The following TMEM65 variants were observed in gnomAD, a reference collection of about 807,000 sequenced individuals.
The protein encoded by TMEM65 is transmembrane protein 65.
In TMEM65, 22 loss-of-function variants were observed where a neutral mutation model predicts 25.4. The observed-to-expected ratio is 0.86, with a 90% CI of 0.62 to 1.23. TMEM65 has a LOEUF of 1.23. TMEM65 is among the 50% of genes most tolerant of loss of function. The pLI is 0.00. For missense variants in TMEM65, 262 were observed against 308.2 expected (o/e 0.85, Z 1.12); for synonymous variants, 132 against 126.2 (o/e 1.05, Z -0.31).
intron 1 of TMEM65, among the ~76,000 whole-genome samples, chr8:124,371,364 T>C (rs1815008935): frequency 6.6e-6 from 1 of 152,202 alleles, no homozygotes; most frequent in Admixed American, 6.5e-5. Context: ...TTCTTTTGGC[T>C]ACCCACCCAT....
rs772505804 is a variant in TMEM65 at position 124,312,682 on chromosome 8, A to G, written c.*1278T>C. 1.8e-4 allele frequency: 28 copies of G among 151,986 alleles called. No individual in the cohort carries two copies. The highest frequency in any genetic ancestry group is 3.3e-4 in the Admixed American group (5 of 15,266). The allele number at this position is 151,986 out of a possible 1,614,324, so 9.4% of individuals were successfully genotyped here. Reference sequence around the variant, plus strand: ...GAAAACTAAAATTTATAATTCTTACATGGTTATACTTAAGCCAGAAGTACA... The same window carrying G: ...GAAAACTAAAATTTATAATTCTTACGTGGTTATACTTAAGCCAGAAGTACA... On this transcript the variant is annotated 3_prime_UTR_variant, in exon 7 of 7. Transcript: ENST00000297632.
At chr8:124,321,725 C>T (rs1260462355) in intron 5 of TMEM65, among the ~76,000 whole-genome samples, 3 of 152,048 alleles carry the variant, frequency 2.0e-5, no homozygotes, top group Admixed American at 1.3e-4. Flanking sequence ...CCTTTTACTC[C>T]TGTCTTACCC....
At position 124,320,029 on chromosome 8, in the gene TMEM65, T is replaced by C. The variant is rs1254756145; in HGVS notation, c.621+57A>G. On this transcript the variant is annotated intron_variant, in intron 6 of 6. Coordinates refer to ENST00000297632, the MANE Select transcript of TMEM65 (RefSeq NM_194291.3). ...TCAAATTTCTCAAGGGCCTGAACTA[T>C]ACAGAATCTTGCTCTGGCTACCCAA... The C allele has an allele frequency of 1.8e-5, 26 of 1,418,066 alleles. 1 individual carries two copies. The South Asian group carries it at 2.3e-4, about 12-fold the overall frequency. The allele number at this position is 1,418,066 out of a possible 1,614,324, so 87.8% of individuals were successfully genotyped here.
In TMEM65 at chr8:124,313,910, A is replaced by T; in HGVS notation, c.*50T>A. The T allele has an allele frequency of 8.0e-7, 1 of 1,247,624 alleles. No homozygotes were observed. The highest frequency in any genetic ancestry group is 1.3e-5 in the South Asian group (1 of 79,930). 77.3% of individuals were successfully genotyped at this position (1,247,624 alleles called of 1,614,324 possible). ...TCCTAAATGTTGTGACAGCATATTT[A>T]ATTACTGAGGTACATTAGTTTACAT... On this transcript the variant is annotated 3_prime_UTR_variant, in exon 7 of 7. Coordinates refer to ENST00000297632, the MANE Select transcript of TMEM65 (RefSeq NM_194291.3).
chr8:124,334,976 A>G (rs1230514589), intron 1 of TMEM65, among the ~76,000 whole-genome samples: 1 of 151,968 alleles, frequency 6.6e-6, no homozygotes, highest in East Asian at 1.9e-4. Context: ...GGGCTAATAT[A>G]TGCTAATATA....
intron 1 of TMEM65, among the ~76,000 whole-genome samples, chr8:124,334,353 T>A (rs1482184066): frequency 6.6e-6 from 1 of 151,976 alleles, no homozygotes; most frequent in Admixed American, 6.6e-5. Flanking sequence ...TTCAAAGATG[T>A]AAATAAAAAT....
rs552949089 is a variant in TMEM65 at position 124,350,651 on chromosome 8, T to C, written c.305-19859A>G. On this transcript the variant is annotated intron_variant, in intron 1 of 6. Transcript: ENST00000297632. ...ATATATTTTTAAAATACTGAACATT[T>C]CCTGAAGTTTAGTCATTGTACTTAA... 3.9e-5 allele frequency among the ~76,000 whole-genome samples: 6 copies of C among 152,188 alleles called. No individual in the cohort carries two copies. In the South Asian group the frequency reaches 1.2e-3, roughly 32 times the overall value.
intron 1 of TMEM65, among the ~76,000 whole-genome samples, chr8:124,361,673 A>T (rs1324895215): frequency 6.6e-6 from 1 of 150,536 alleles, no homozygotes; most frequent in African/African-American, 2.4e-5. Flanking sequence ...GTCTCTATTT[A>T]AAAAATACAA....
At chr8:124,344,623 C>CA (rs1416342439) in intron 1 of TMEM65, among the ~76,000 whole-genome samples, 1 of 152,164 alleles carries the variant, frequency 6.6e-6, no homozygotes, top group Non-Finnish European at 1.5e-5. Flanking sequence ...TGCCAGAAAT[C>CA]ATTAAGTAAG....
intron 1 of TMEM65, among the ~76,000 whole-genome samples, chr8:124,340,298 A>C (rs1028064593): frequency 1.3e-5 from 2 of 152,160 alleles, no homozygotes; most frequent in African/African-American, 4.8e-5. Flanking sequence ...TATGATGTAT[A>C]TCTATATATG....
rs1814180517 is a variant in TMEM65, at chr8:124,312,812, G to GTAGA, written c.*1144_*1147dup. The GTAGA allele has an allele frequency of 6.6e-6, 1 of 151,824 alleles. No individual in the cohort carries two copies. 9.4% of individuals were successfully genotyped at this position (151,824 alleles called of 1,614,324 possible). A position where few individuals can be genotyped will look rare whatever the true frequency, so the allele number is the denominator to read the frequency against. On this transcript the variant is annotated 3_prime_UTR_variant, in exon 7 of 7. Coordinates refer to ENST00000297632, the MANE Select transcript of TMEM65 (RefSeq NM_194291.3). The stretch of plus-strand genomic sequence containing the variant: ...GGATTTCTCCTCATGTAATTTTTGA[G>GTAGA]TAGACTATGTAGCAAAAAAGCAAAA...
intron 2 of TMEM65, among the ~76,000 whole-genome samples, chr8:124,329,933 G>A (rs1814411410): frequency 6.6e-6 from 1 of 151,862 alleles, no homozygotes; most frequent in African/African-American, 2.4e-5. Flanking sequence ...TTTGGTATTT[G>A]AGGAAAGTTA....
intron 6 of TMEM65, among the ~76,000 whole-genome samples, chr8:124,315,324 TG>T (rs201617734): frequency 1.7e-3 from 239 of 140,532 alleles, no homozygotes; most frequent in African/African-American, 6.4e-3. Context: ...GTTTTTTTTT[TG>T]TTTGTTTTTT....
At chr8:124,317,416 T>G (rs1814252410) in intron 6 of TMEM65, among the ~76,000 whole-genome samples, 1 of 152,214 alleles carries the variant, frequency 6.6e-6, no homozygotes, top group South Asian at 2.1e-4. Context: ...GAATTGGTTA[T>G]CATTCATTAC....
chr8:124,311,511 T>G lies in TMEM65; in HGVS notation c.*2449A>C, dbSNP rs1213386610. 6.6e-6 allele frequency: 1 copy of G among 152,582 alleles called. No homozygotes were observed. The highest frequency in any genetic ancestry group is 2.4e-5 in the African/African-American group (1 of 41,448). 9.5% of individuals were successfully genotyped at this position (152,582 alleles called of 1,614,324 possible). A position where few individuals can be genotyped will look rare whatever the true frequency, so the allele number is the denominator to read the frequency against. ...CAACAAGTTAATAAATCATAATACATGGACAACACAAATTTAAACAAACAG... is the reference window on the plus strand; with the variant it reads ...CAACAAGTTAATAAATCATAATACAGGGACAACACAAATTTAAACAAACAG... On this transcript the variant is annotated 3_prime_UTR_variant, in exon 7 of 7. Transcript: ENST00000297632.
rs148963218 is a variant in TMEM65 at position 124,351,196 on chromosome 8, A to T, written c.305-20404T>A. On this transcript the variant is annotated intron_variant, in intron 1 of 6. Transcript: ENST00000297632. ...ATATATAAACTTTAAAATATATATA[A>T]AACTTAGAAGTGCCACATGCTAGTA... The T allele has an allele frequency of 1.8e-4, 147 of 838,472 alleles. No individual in the cohort carries two copies. The African/African-American group carries it at 2.0e-3, about 12-fold the overall frequency. The allele number at this position is 838,472 out of a possible 1,614,324, so 51.9% of individuals were successfully genotyped here.
At chr8:124,322,204 T>C in intron 4 of TMEM65, 57 bp from the exon 5 acceptor site, 1 of 1,320,788 alleles carries the variant, frequency 7.6e-7, no homozygotes, top group Non-Finnish European at 1.1e-6. Flanking sequence ...TATATCACTA[T>C]GTAATCAATA....
At chr8:124,320,270 G>C (rs1371253306) in intron 5 of TMEM65, 79 bp from the exon 6 acceptor site, 6 of 1,057,398 alleles carry the variant, frequency 5.7e-6, no homozygotes, top group Non-Finnish European at 6.9e-6. Context: ...ACAAAACAAA[G>C]ACATGAGGAC....
chr8:124,341,901 C>T (rs983869711), intron 1 of TMEM65, among the ~76,000 whole-genome samples: 4 of 151,678 alleles, frequency 2.6e-5, no homozygotes, highest in African/African-American at 7.3e-5. Flanking sequence ...CAAAAGAATG[C>T]TTCTCCTTAT....
Sources: allele counts gnomAD v4.1 joint callset (sites outside exome capture counted in the v4.1 genomes callset), GRCh38; gene constraint gnomAD v4.1.1; transcripts MANE v1.5; gene names NCBI Gene and HGNC (gene_info 2026-07-23, HGNC 2026-07-21).